RFX1: variants seen among roughly 807,000 people sequenced by gnomAD.
The protein encoded by RFX1 is regulatory factor X1.
A neutral mutation model predicts 119.6 loss-of-function variants in RFX1; 42 were observed. The observed-to-expected ratio is 0.35, with a 90% CI of 0.27 to 0.45. The LOEUF (loss-of-function observed/expected upper bound fraction) is 0.45, where lower values mean the gene tolerates loss of function less well. RFX1 is among the 20% of genes least tolerant of loss of function. The pLI, the probability that RFX1 is intolerant of heterozygous loss-of-function variation, is 1.00. For missense variants in RFX1, 1,118 were observed against 1,368.1 expected, an observed-to-expected ratio of 0.82 and a Z score of 2.88; for synonymous variants, 628 against 618.5, an observed-to-expected ratio of 1.02 and a Z score of -0.23.
chr19:13,994,883 AATATACATACATATATATATATAT>A (rs1974943357), intron 1 of RFX1, among the ~76,000 whole-genome samples: 1 of 100,146 alleles, frequency 1.0e-5, no homozygotes, highest in Non-Finnish European at 1.9e-5. Context: ...TGTATATTGA[AATATACATACATATATATATATAT>A]ATATATATAT....
intron 5 of RFX1, 77 bp downstream of exon 5, chr19:13,982,044 C>A: frequency 1.4e-6 from 1 of 690,550 alleles, no homozygotes; most frequent in East Asian, 3.2e-5. Context: ...GCAGGGAGCC[C>A]CAAATATACT....
chr19:13,983,495 G>T lies in RFX1; in HGVS notation c.420C>A (p.Gly140=), dbSNP rs1227049911. The T allele has an allele frequency of 1.2e-6, 2 of 1,607,416 alleles. No homozygotes were observed. Among genetic ancestry groups the T allele is most frequent in the East Asian group, 2.2e-5 (1 of 44,710 alleles). Residue 140 remains glycine (G), a synonymous_variant, in exon 3 of 21, where the codon GGC becomes GGA. Transcript: ENST00000254325. The part of the protein sequence containing the change: ...VPTQVVQQVQ[G]TQQRLLVQTS... ...GAGGGCCACATCCTACCTGCTGGGT[G>T]CCCTGCACCTGCTGAACCACCTGAG...
Position 13,963,117 on chromosome 19 carries a change from C to T in RFX1, c.2724+5G>A, listed in dbSNP as rs200524505. On this transcript the variant is annotated splice_donor_5th_base_variant and intron_variant, in intron 19 of 20. Coordinates refer to ENST00000254325, the MANE Select transcript of RFX1 (RefSeq NM_002918.5). ...CCCGCGCCCCCAGTGGCCCGCCTCG[C>T]GCACCTCGCCCATGACGGCGATGGG... is the stretch of plus-strand genomic sequence containing the variant. 41 of 1,610,676 alleles carry T rather than the reference C, an allele frequency of 2.5e-5. No homozygotes were observed. The Admixed American group carries it at 6.9e-4, about 27-fold the overall frequency.
In RFX1 at chr19:13,980,545, C is replaced by A. The variant is rs555558535; in HGVS notation, c.738+28G>T. The A allele has an allele frequency of 1.4e-6, 2 of 1,444,906 alleles. No individual in the cohort carries two copies. Among genetic ancestry groups the A allele is most frequent in the Non-Finnish European group, 1.9e-6 (2 of 1,061,906 alleles). The allele number at this position is 1,444,906 out of a possible 1,614,324, so 89.5% of individuals were successfully genotyped here. A position where few individuals can be genotyped will look rare whatever the true frequency, so the allele number is the denominator to read the frequency against. On this transcript the variant is annotated intron_variant, in intron 6 of 20. Transcript: ENST00000254325. This position sits in a 1 kb window ranked among gnomAD's most constrained non-coding sequence, Gnocchi z 5.1. ...GGCTGCCTGGCCGGTACCCCTGGAC[C>A]GAGCCACTGCCCGCCTTGGCCTGGC... is the stretch of plus-strand genomic sequence containing the variant.
intron 1 of RFX1, among the ~76,000 whole-genome samples, chr19:13,995,376 C>T (rs1974972613): frequency 6.6e-6 from 1 of 152,050 alleles, no homozygotes; most frequent in Non-Finnish European, 1.5e-5. Context: ...TCCAAAAAGC[C>T]CCTGTGAGCT....
Position 13,980,805 on chromosome 19 carries a change from G to A in RFX1, c.622-116C>T. On this transcript the variant is annotated intron_variant, in intron 5 of 20. Coordinates refer to ENST00000254325, the MANE Select transcript of RFX1 (RefSeq NM_002918.5). This position sits in a 1 kb window ranked among gnomAD's most constrained non-coding sequence, Gnocchi z 5.1. ...GTCTGGGGAGGGCGGCAGTCTGTGG[G>A]GACCTATCCCAACCACCGAGGCTGG... The A allele has an allele frequency of 1.6e-6, 1 of 611,784 alleles. No homozygotes were observed. The highest frequency in any genetic ancestry group is 2.9e-5 in the East Asian group (1 of 34,526). The allele number at this position is 611,784 out of a possible 1,614,324, so 37.9% of individuals were successfully genotyped here. A position where few individuals can be genotyped will look rare whatever the true frequency, so the allele number is the denominator to read the frequency against.
At chr19:13,962,943 T>G (rs766397295) in intron 20 of RFX1, 51 bp downstream of exon 20, 104 of 1,547,494 alleles carry the variant, frequency 6.7e-5, no homozygotes, top group Non-Finnish European at 8.3e-5. Context: ...GCCCCTCCGT[T>G]GTCCGCCACC....
Position 13,969,369 on chromosome 19 carries a change from G to C in RFX1, c.1497-475C>G, listed in dbSNP as rs1034606709. On this transcript the variant is annotated intron_variant, in intron 10 of 20. Coordinates refer to ENST00000254325, the MANE Select transcript of RFX1 (RefSeq NM_002918.5). The surrounding 1 kb of genome is among the most constrained non-coding windows in gnomAD (Gnocchi z 4.5). ...AATAAGTCATGTAAAAGGCACGTGT[G>C]GGCCGGGCACGGTGGGGTCATGCCT... Among the ~76,000 whole-genome samples, 5 of 152,168 alleles carry C rather than the reference G, an allele frequency of 3.3e-5. No homozygotes were observed.
intron 9 of RFX1, 93 bp downstream of exon 9, chr19:13,972,650 G>C: frequency 1.1e-6 from 1 of 911,654 alleles, no homozygotes; most frequent in Non-Finnish European, 1.6e-6. Flanking sequence ...GCTCCTGCTA[G>C]CGGTGGTTGG....
intron 9 of RFX1, among the ~76,000 whole-genome samples, chr19:13,972,519 T>C (rs114558316): frequency 0.013 from 2,035 of 152,270 alleles, 52 homozygotes; most frequent in African/African-American, 0.046. Context: ...TTCTGTAGTA[T>C]TGTGTTAAGA....
At chr19:13,978,497 G>A (rs1974324072) in intron 7 of RFX1, among the ~76,000 whole-genome samples, 1 of 152,154 alleles carries the variant, frequency 6.6e-6, no homozygotes, top group Non-Finnish European at 1.5e-5. Flanking sequence ...CGGTTGGTGG[G>A]ACAGAACCTG....
At chr19:13,988,673 C>T (rs1010432616) in intron 2 of RFX1, among the ~76,000 whole-genome samples, 1 of 152,218 alleles carries the variant, frequency 6.6e-6, no homozygotes, top group African/African-American at 2.4e-5. Flanking sequence ...AGAGCCCTGC[C>T]TGCAGGTGGG....
intron 9 of RFX1, 85 bp downstream of exon 9, chr19:13,972,658 T>A: frequency 9.4e-7 from 1 of 1,065,292 alleles, no homozygotes; most frequent in Non-Finnish European, 1.3e-6. Flanking sequence ...TAGCGGTGGT[T>A]GGTAACCACC....
chr19:13,972,933 C>T lies in RFX1; in HGVS notation c.1124G>A (p.Gly375Glu). 1 of 1,598,756 alleles carries T rather than the reference C, an allele frequency of 6.3e-7. No homozygotes were observed. Among genetic ancestry groups the T allele is most frequent in the Non-Finnish European group, 8.5e-7 (1 of 1,179,166 alleles). ...VVASSTSTGA[G>E]ASNSSGGGGS... ...ACCACCTCCGCTGCTGTTGCTGGCC[C>T]CAGCCCCAGTGCTGGTGGAGCTGGC... Residue 375 changes from glycine to glutamate, a missense_variant, in exon 9 of 21, where the codon GGG becomes GAG. Physicochemically the swap from Gly to Glu is moderately conservative, Grantham distance 98. This residue lies in a region of RFX1 where 542 missense variants were observed against 602.7 expected (regional missense o/e 0.90). Transcript: ENST00000254325.
Position 13,990,838 on chromosome 19 carries a change from CT to C in RFX1, c.319+2686del, listed in dbSNP as rs1974778314. On this transcript the variant is annotated intron_variant, in intron 2 of 20. Coordinates refer to ENST00000254325, the MANE Select transcript of RFX1 (RefSeq NM_002918.5). This position sits in a 1 kb window ranked among gnomAD's most constrained non-coding sequence, Gnocchi z 4.1. ...TCTCAAAGAAAAAAAAAAAAATTAC[CT>C]GGGTGTGGTGGCACATGCCTATAGT... 6.6e-6 allele frequency among the ~76,000 whole-genome samples: 1 copy of C among 151,582 alleles called. No individual in the cohort carries two copies. The highest frequency in any genetic ancestry group is 6.6e-5 in the Admixed American group (1 of 15,192).
At chr19:13,964,241 T>C (rs1973820648) in intron 16 of RFX1, among the ~76,000 whole-genome samples, 1 of 152,174 alleles carries the variant, frequency 6.6e-6, no homozygotes, top group Non-Finnish European at 1.5e-5. Flanking sequence ...ACAATATTCT[T>C]TGAAATTTAT....
At position 13,966,283 on chromosome 19, in the gene RFX1, C is replaced by T; in HGVS notation, c.1961+138G>A. ...CTGTTGAGTGTCGGGTGGCTATACACACTCCACACAGCCAAGGATATGTGT... is the reference window on the plus strand; with the variant it reads ...CTGTTGAGTGTCGGGTGGCTATACATACTCCACACAGCCAAGGATATGTGT... On this transcript the variant is annotated intron_variant, in intron 14 of 20. Coordinates refer to ENST00000254325, the MANE Select transcript of RFX1 (RefSeq NM_002918.5). The surrounding 1 kb of genome is among the most constrained non-coding windows in gnomAD (Gnocchi z 6.3). 1.6e-6 allele frequency: 1 copy of T among 611,184 alleles called. No homozygotes were observed. Among genetic ancestry groups the T allele is most frequent in the Non-Finnish European group, 2.9e-6 (1 of 342,764 alleles). The allele number at this position is 611,184 out of a possible 1,614,324, so 37.9% of individuals were successfully genotyped here.
intron 2 of RFX1, among the ~76,000 whole-genome samples, chr19:13,991,782 T>C (rs57378020): frequency 0.064 from 9,666 of 152,092 alleles, 1,047 homozygotes; most frequent in African/African-American, 0.22. Flanking sequence ...CTGCCTCAGC[T>C]TCCTGAGTAG....
intron 1 of RFX1, among the ~76,000 whole-genome samples, chr19:13,994,496 A>C (rs1974919529): frequency 6.6e-6 from 1 of 152,024 alleles, no homozygotes; most frequent in African/African-American, 2.4e-5. Context: ...TGAGCGGATC[A>C]CTTGAGGTCA....
Sources: gnomAD v4.1 joint callset for allele counts (sites outside exome capture counted in the v4.1 genomes callset) on GRCh38, gnomAD v4.1.1 for gene constraint, gnomAD v4.1.1 regional missense constraint, Gnocchi (gnomAD v3.1) non-coding constraint, MANE v1.5 for transcripts, NCBI Gene and HGNC (gene_info 2026-07-23, HGNC 2026-07-21) for gene names.